ERO1A: variants seen among roughly 807,000 people sequenced by gnomAD.
ERO1A encodes endoplasmic reticulum oxidoreductase 1 alpha.
Under a neutral mutation model 76.9 loss-of-function variants are expected in ERO1A, and 49 were observed. The ratio of observed to expected loss-of-function variants is 0.64; its 90% CI spans 0.51 to 0.81. ERO1A has a LOEUF of 0.81. Ranked by LOEUF, ERO1A falls within the 30% of genes least tolerant of loss-of-function variation. ERO1A has a pLI of 0.00. For synonymous variants in ERO1A, 174 were observed against 181.2 expected (o/e 0.96, Z 0.32); for missense variants, 448 against 542.1 (o/e 0.83, Z 1.72).
chr14:52,666,254 T>C (rs2040406227), intron 7 of ERO1A, 121 bp downstream of exon 7: 4 of 745,120 alleles, frequency 5.4e-6, no homozygotes, highest in Admixed American at 6.2e-5. Context: ...CATGTTTCCT[T>C]GTACAAACAC....
chr14:52,682,284 A>C (rs766511640), intron 3 of ERO1A, 41 bp downstream of exon 3: 3 of 1,415,684 alleles, frequency 2.1e-6, no homozygotes, highest in Non-Finnish European at 2.9e-6. Flanking sequence ...TAATGAATGA[A>C]AAAACATGTA....
At chr14:52,679,370 G>A (rs921338500) in intron 3 of ERO1A, among the ~76,000 whole-genome samples, 1 of 151,480 alleles carries the variant, frequency 6.6e-6, no homozygotes, top group Non-Finnish European at 1.5e-5. Flanking sequence ...AACATTATCT[G>A]TATTTATAAA....
chr14:52,658,377 T>G, intron 9 of ERO1A: 1 of 468,528 alleles, frequency 2.1e-6, no homozygotes, highest in Admixed American at 4.1e-5. Context: ...AGCATTGCCT[T>G]AGGTTGACCC....
chr14:52,656,880 G>A (rs1177276983), intron 11 of ERO1A, among the ~76,000 whole-genome samples: 3 of 152,124 alleles, frequency 2.0e-5, no homozygotes, highest in Non-Finnish European at 4.4e-5. Flanking sequence ...GGGCAACATG[G>A]CCAAATCTTG....
intron 1 of ERO1A, among the ~76,000 whole-genome samples, chr14:52,691,818 C>T (rs2041363713): frequency 6.6e-6 from 1 of 152,220 alleles, no homozygotes; most frequent in African/African-American, 2.4e-5. Flanking sequence ...AGTTTACAAA[C>T]ATCGTGAGCC....
At chr14:52,657,719 G>A (rs1172490610) in intron 11 of ERO1A, among the ~76,000 whole-genome samples, 198 bp downstream of exon 11, 1 of 152,230 alleles carries the variant, frequency 6.6e-6, no homozygotes, top group Non-Finnish European at 1.5e-5. Context: ...AAAAGAAGGT[G>A]AAGAGAGCTA....
rs370620431 is a variant in ERO1A, at chr14:52,657,930, T to C, written c.795A>G (p.Arg265=). Residue 265 remains arginine (R), a synonymous_variant, in exon 11 of 16, where the codon AGA becomes AGG. Transcript: ENST00000395686. ...AATGTCACATACCTTGTAAAAGATA[T>C]CTTGCACTCAAATGCACATTAATGC... ...HASINVHLSA[R]YLLQETWLEK... 1.2e-6 allele frequency: 2 copies of C among 1,605,464 alleles called. No homozygotes were observed. Among genetic ancestry groups the C allele is most frequent in the Admixed American group, 1.7e-5 (1 of 58,892 alleles).
At chr14:52,672,059 C>A (rs2040618016) in intron 4 of ERO1A, 188 bp from the exon 5 acceptor site, 2 of 463,622 alleles carry the variant, frequency 4.3e-6, no homozygotes, top group African/African-American at 2.0e-5. Flanking sequence ...AATCCCGGCA[C>A]TGTGGGAGCC....
At chr14:52,688,961 T>C (rs2041266542) in intron 1 of ERO1A, among the ~76,000 whole-genome samples, 1 of 152,248 alleles carries the variant, frequency 6.6e-6, no homozygotes, top group African/African-American at 2.4e-5. Context: ...ATTCCTCATA[T>C]ACTTTTTTTT....
intron 1 of ERO1A, among the ~76,000 whole-genome samples, chr14:52,685,899 A>G (rs1336619205): frequency 6.6e-6 from 1 of 152,176 alleles, no homozygotes; most frequent in Non-Finnish European, 1.5e-5. Context: ...CTTGAGTGAA[A>G]AATCATATAC....
In ERO1A at chr14:52,643,374, A is replaced by C. The variant is rs1594816544; in HGVS notation, c.*196T>G. ...ACCACATTATTAAAGTATTACTTTT[A>C]CTCACAGTAGTATTATACATAGACT... is the stretch of plus-strand genomic sequence containing the variant. On this transcript the variant is annotated 3_prime_UTR_variant, in exon 16 of 16. Transcript: ENST00000395686. The C allele has an allele frequency of 1.0e-5, 4 of 389,810 alleles. No homozygotes were observed. The East Asian group carries it at 1.6e-4, about 15-fold the overall frequency. The allele number at this position is 389,810 out of a possible 1,614,324, so 24.1% of individuals were successfully genotyped here.
chr14:52,675,251 C>T (rs977017284), intron 4 of ERO1A, among the ~76,000 whole-genome samples: 5 of 151,896 alleles, frequency 3.3e-5, no homozygotes, highest in Admixed American at 6.6e-5. Flanking sequence ...GGCATGGTGG[C>T]GCATGCCTGT....
Position 52,641,273 on chromosome 14 carries a change from G to A in ERO1A, c.*2297C>T, listed in dbSNP as rs1023832205. The A allele has an allele frequency of 6.6e-6, 1 of 151,868 alleles. No individual in the cohort carries two copies. The highest frequency in any genetic ancestry group is 2.4e-5 in the African/African-American group (1 of 41,322). 9.4% of individuals were successfully genotyped at this position (151,868 alleles called of 1,614,324 possible). ...GGAGCCAGTAGAAGGTGACAAAGTA[G>A]AGGTAAGAATATTCCTTCAAAAAGA... is the stretch of plus-strand genomic sequence containing the variant. On this transcript the variant is annotated 3_prime_UTR_variant, in exon 16 of 16. Transcript: ENST00000395686.
In ERO1A at chr14:52,666,407, T is replaced by C. The variant is rs771297516; in HGVS notation, c.597A>G (p.Ile199Met). ...AGTTTTCTTCGTAGATGACATTCCA[T>C]ATTTTCCAAGCATCTGGTCCCTTGT... ...TGYKGPDAWK[I>M]WNVIYEENCF... Residue 199 changes from isoleucine (I) to methionine (M), a missense_variant, in exon 7 of 16, where the codon ATA becomes ATG. Coordinates refer to ENST00000395686, the MANE Select transcript of ERO1A (RefSeq NM_014584.3). The C allele has an allele frequency of 6.2e-7, 1 of 1,608,546 alleles. No homozygotes were observed.
At chr14:52,694,630 T>C (rs2041484161) in intron 1 of ERO1A, among the ~76,000 whole-genome samples, 2 of 151,892 alleles carry the variant, frequency 1.3e-5, no homozygotes, top group African/African-American at 4.8e-5. Flanking sequence ...CTGAAGATAA[T>C]GGAAAACTGT....
chr14:52,671,923 T>C (rs2040612661), intron 4 of ERO1A, 52 bp from the exon 5 acceptor site: 4 of 1,212,582 alleles, frequency 3.3e-6, no homozygotes, highest in Non-Finnish European at 4.7e-6. Context: ...TTTTTAAAAC[T>C]TGTTTAAAAT....
rs567802844 is a variant in ERO1A, at chr14:52,654,420, T to G, written c.809-1105A>C. Among the ~76,000 whole-genome samples the G allele has an allele frequency of 5.3e-5, 8 of 152,324 alleles. No individual in the cohort carries two copies. The East Asian group carries it at 1.5e-3, about 29-fold the overall frequency. ...AAGAATTCTACATAAGCCTGTATTT[T>G]TTTTTACTTATTTTATTCTCATTAT... On this transcript the variant is annotated intron_variant, in intron 11 of 15. Coordinates refer to ENST00000395686, the MANE Select transcript of ERO1A (RefSeq NM_014584.3).
chr14:52,651,791 G>C (rs1200906445), intron 13 of ERO1A, among the ~76,000 whole-genome samples: 1 of 151,334 alleles, frequency 6.6e-6, no homozygotes, highest in South Asian at 2.1e-4. Context: ...ACCATTTTTT[G>C]TATAGTGGAA....
At chr14:52,651,889 T>C (rs1358602316) in intron 13 of ERO1A, among the ~76,000 whole-genome samples, 1 of 152,120 alleles carries the variant, frequency 6.6e-6, no homozygotes, top group Non-Finnish European at 1.5e-5. Context: ...CACTAAATCT[T>C]ATTCTCCCTA....
Sources: allele counts gnomAD v4.1 joint callset (sites outside exome capture counted in the v4.1 genomes callset), GRCh38; gene constraint gnomAD v4.1.1; transcripts MANE v1.5; gene names NCBI Gene and HGNC (gene_info 2026-07-23, HGNC 2026-07-21).